The following CNTN4 variants were observed in gnomAD, a reference collection of about 807,000 sequenced individuals.
The protein encoded by CNTN4 is contactin 4.
CNTN4 carries 77 observed loss-of-function variants against 122.5 expected under a neutral mutation model. The observed-to-expected ratio is 0.63, with a 90% CI of 0.52 to 0.76. The LOEUF is 0.76. CNTN4 is among the 30% of genes least tolerant of loss of function. The pLI is 0.00. For synonymous variants in CNTN4, 512 were observed against 447.0 expected (o/e 1.15, Z -1.83); for missense variants, 1,256 against 1,259.1 (o/e 1.00, Z 0.04).
intron 4 of CNTN4, among the ~76,000 whole-genome samples, chr3:2,578,022 A>G (rs1211740706): frequency 1.3e-5 from 2 of 152,220 alleles, no homozygotes; most frequent in Admixed American, 6.5e-5. Flanking sequence ...TAGTGGAGAA[A>G]GATCCTGTAT....
At chr3:2,840,888 G>A (rs928060181) in intron 7 of CNTN4, among the ~76,000 whole-genome samples, 2 of 151,952 alleles carry the variant, frequency 1.3e-5, no homozygotes, top group Non-Finnish European at 2.9e-5. Flanking sequence ...TGAAAGGCTT[G>A]CATAAGGTCA....
intron 2 of CNTN4, among the ~76,000 whole-genome samples, chr3:2,205,237 T>A (rs996739908): frequency 1.3e-4 from 19 of 150,804 alleles, no homozygotes; most frequent in Middle Eastern, 3.4e-3. Context: ...AATAAAAAGT[T>A]TTTTTATTTC....
chr3:2,101,906 C>T (rs747072626), intron 2 of CNTN4, among the ~76,000 whole-genome samples: 1 of 152,152 alleles, frequency 6.6e-6, no homozygotes, highest in Non-Finnish European at 1.5e-5. Flanking sequence ...TTTTTAAAAT[C>T]TTTCTCTCCT....
At chr3:2,869,053 C>T (rs532851459) in intron 8 of CNTN4, among the ~76,000 whole-genome samples, 68 of 152,030 alleles carry the variant, frequency 4.5e-4, no homozygotes, top group African/African-American at 1.3e-3. Context: ...AACAGTTGAG[C>T]GTGGTTGAAG....
At chr3:2,209,785 G>A (rs2038526710) in intron 2 of CNTN4, among the ~76,000 whole-genome samples, 1 of 152,002 alleles carries the variant, frequency 6.6e-6, no homozygotes, top group Admixed American at 6.6e-5. Flanking sequence ...AGAATCAGTT[G>A]GCAATTCCTG....
intron 2 of CNTN4, among the ~76,000 whole-genome samples, chr3:2,229,200 T>C (rs898277323): frequency 6.6e-6 from 1 of 152,314 alleles, no homozygotes; most frequent in South Asian, 2.1e-4. Flanking sequence ...AAGTTATCGA[T>C]GTATTTCATC....
At chr3:2,207,652 C>A (rs918737024) in intron 2 of CNTN4, among the ~76,000 whole-genome samples, 1 of 152,006 alleles carries the variant, frequency 6.6e-6, no homozygotes, top group Non-Finnish European at 1.5e-5. Flanking sequence ...GAGGTTGGTT[C>A]AGAAGTTTAA....
intron 7 of CNTN4, among the ~76,000 whole-genome samples, chr3:2,828,711 C>T (rs578249363): frequency 6.6e-6 from 1 of 152,140 alleles, no homozygotes; most frequent in African/African-American, 2.4e-5. Context: ...TACTAGATAC[C>T]TTTTTTAAAA....
intron 3 of CNTN4, among the ~76,000 whole-genome samples, chr3:2,356,958 A>C (rs188132577): frequency 1.3e-5 from 2 of 152,336 alleles, no homozygotes; most frequent in Admixed American, 1.3e-4. Context: ...TTTACTAGAA[A>C]TTCCAGGATT....
intron 14 of CNTN4, among the ~76,000 whole-genome samples, chr3:2,994,061 C>A (rs1695300866): frequency 6.6e-6 from 1 of 152,098 alleles, no homozygotes; most frequent in South Asian, 2.1e-4. Flanking sequence ...CAGCTGGAAC[C>A]AGAATAGTAA....
In CNTN4 at chr3:2,548,292, G is replaced by GT. The variant is rs2078332651; in HGVS notation, c.-88-23119dup. 2.0e-5 allele frequency among the ~76,000 whole-genome samples: 3 copies of GT among 152,214 alleles called. No homozygotes were observed. The South Asian group carries it at 6.2e-4, about 32-fold the overall frequency. The stretch of plus-strand genomic sequence containing the variant: ...GGTATTGCCTAGGTTTTCTTCTAGG[G>GT]TTTTTATGGTTTTAGGTCTTACATT... On this transcript the variant is annotated intron_variant, in intron 3 of 24. Transcript: ENST00000418658.
chr3:2,847,340 GA>G (rs901367971), intron 7 of CNTN4, among the ~76,000 whole-genome samples: 6 of 151,654 alleles, frequency 4.0e-5, no homozygotes, highest in Non-Finnish European at 7.4e-5. Flanking sequence ...TCATGAAGAG[GA>G]AAAAAAAGTT....
At chr3:2,775,219 C>G (rs1159919689) in intron 6 of CNTN4, among the ~76,000 whole-genome samples, 2 of 152,174 alleles carry the variant, frequency 1.3e-5, no homozygotes, top group South Asian at 2.1e-4. Context: ...TTTCAGAATT[C>G]AAATACTGCT....
chr3:2,571,987 ACT>A (rs1289756742), intron 4 of CNTN4, among the ~76,000 whole-genome samples: 1 of 152,102 alleles, frequency 6.6e-6, no homozygotes, highest in Non-Finnish European at 1.5e-5. Flanking sequence ...TCTGATACTG[ACT>A]CTCTTTTTCA....
chr3:2,681,618 A>G (rs945809121), intron 4 of CNTN4, among the ~76,000 whole-genome samples: 1 of 150,582 alleles, frequency 6.6e-6, no homozygotes, highest in Non-Finnish European at 1.5e-5. Flanking sequence ...AACTTGATAT[A>G]TGTGCACCCC....
At chr3:2,855,650 T>TCTGA (rs1200760049) in intron 7 of CNTN4, among the ~76,000 whole-genome samples, 1 of 152,232 alleles carries the variant, frequency 6.6e-6, no homozygotes, top group Non-Finnish European at 1.5e-5. Flanking sequence ...GTAACTGTGA[T>TCTGA]CTGACCTGTG....
chr3:2,943,585 AG>A (rs1221909729), intron 13 of CNTN4, among the ~76,000 whole-genome samples: 1 of 147,780 alleles, frequency 6.8e-6, no homozygotes, highest in African/African-American at 2.5e-5. Context: ...TTAGACTCCT[AG>A]GTAATATATA....
At chr3:2,222,431 T>A (rs2039096684) in intron 2 of CNTN4, among the ~76,000 whole-genome samples, 1 of 151,924 alleles carries the variant, frequency 6.6e-6, no homozygotes, top group South Asian at 2.1e-4. Context: ...AACATGGGAG[T>A]AAATGTATGT....
At chr3:2,699,787 A>G (rs980710558) in intron 4 of CNTN4, among the ~76,000 whole-genome samples, 1 of 152,208 alleles carries the variant, frequency 6.6e-6, no homozygotes, top group Admixed American at 6.5e-5. Context: ...GCCTAAAGAT[A>G]TTAATGATTA....
Sources: allele counts gnomAD v4.1 joint callset (sites outside exome capture counted in the v4.1 genomes callset), GRCh38; gene constraint gnomAD v4.1.1; transcripts MANE v1.5; gene names NCBI Gene and HGNC (gene_info 2026-07-23, HGNC 2026-07-21).